The following STK10 variants were observed in gnomAD, a reference collection of about 807,000 sequenced individuals.
The protein encoded by STK10 is serine/threonine kinase 10, also known as serine/threonine-protein kinase 10.
A neutral mutation model predicts 113.8 loss-of-function variants in STK10; 78 were observed. That is an observed-to-expected ratio of 0.69 (90% CI 0.57 to 0.83). The LOEUF is 0.83. STK10 is among the 40% of genes least tolerant of loss of function. The pLI is 0.00. For synonymous variants in STK10, 465 were observed against 494.7 expected (o/e 0.94, Z 0.80); for missense variants, 1,109 against 1,280.1 (o/e 0.87, Z 2.04).
intron 12 of STK10, among the ~76,000 whole-genome samples, chr5:172,078,746 C>T (rs534118400): frequency 1.9e-4 from 28 of 150,424 alleles, no homozygotes; most frequent in African/African-American, 6.6e-4. Context: ...TGAATGTGAG[C>T]GGAACCCCAG....
Position 172,059,702 on chromosome 5 carries a change from C to T in STK10, c.2212+1437G>A, listed in dbSNP as rs149224112. 4.1e-3 allele frequency among the ~76,000 whole-genome samples: 617 copies of T among 152,190 alleles called. 7 individuals are homozygous for T. Among genetic ancestry groups the T allele is most frequent in the African/African-American group, 0.014 (588 of 41,548 alleles). ...CCTTCTTGCCCAAGAGTTCCTTTGC[C>T]CTCTTCCCCTGCTGGATGGTGGCCC... On this transcript the variant is annotated intron_variant, in intron 14 of 18. Transcript: ENST00000176763.
intron 12 of STK10, among the ~76,000 whole-genome samples, chr5:172,075,404 C>T (rs1283024940): frequency 1.3e-5 from 2 of 151,940 alleles, no homozygotes; most frequent in Non-Finnish European, 2.9e-5. Context: ...GTGCCAGGCG[C>T]GGTGGCTCAT....
chr5:172,083,194 G>A (rs1306424415), intron 10 of STK10, 110 bp from the exon 11 acceptor site: 1 of 1,437,734 alleles, frequency 7.0e-7, no homozygotes, highest in African/African-American at 1.4e-5. Context: ...AATCACACAA[G>A]TCTGGGGCAC....
intron 12 of STK10, among the ~76,000 whole-genome samples, chr5:172,071,255 C>A (rs1167880714): frequency 5.6e-4 from 50 of 90,028 alleles, no homozygotes; most frequent in Admixed American, 1.6e-3. Context: ...ATAGGTATTT[C>A]ATTGGAAGGC....
At chr5:172,108,413 G>A (rs1276782979) in intron 4 of STK10, 1 of 152,088 alleles carries the variant, frequency 6.6e-6, no homozygotes, top group Non-Finnish European at 1.5e-5. Flanking sequence ...GCTGGGAGTT[G>A]GAGATCAACC....
intron 12 of STK10, among the ~76,000 whole-genome samples, chr5:172,070,226 C>T (rs985403945): frequency 3.3e-5 from 5 of 150,810 alleles, no homozygotes; most frequent in Middle Eastern, 3.4e-3. Flanking sequence ...CCAGCCTGGG[C>T]GACAAGAGCA....
intron 1 of STK10, among the ~76,000 whole-genome samples, chr5:172,167,825 C>A (rs970972367): frequency 6.6e-6 from 1 of 152,206 alleles, no homozygotes; most frequent in African/African-American, 2.4e-5. Flanking sequence ...AGAAAGTTCA[C>A]CCCCAGCCCT....
intron 3 of STK10, among the ~76,000 whole-genome samples, chr5:172,124,196 T>TG (rs1408244696): frequency 1.3e-5 from 2 of 152,176 alleles, no homozygotes; most frequent in African/African-American, 4.8e-5. Flanking sequence ...CCCAAAGGGC[T>TG]GGGATTACAG....
intron 15 of STK10, chr5:172,056,935 AAAAGAAAG>A (rs147927134): frequency 1.9e-5 from 2 of 102,652 alleles, no homozygotes; most frequent in African/African-American, 8.4e-5. Flanking sequence ...GGAAGGAAAG[AAAAGAAAG>A]AAAGAAAGAA....
intron 15 of STK10, 109 bp downstream of exon 15, chr5:172,057,240 C>T: frequency 1.3e-6 from 2 of 1,485,354 alleles, no homozygotes; most frequent in Non-Finnish European, 1.8e-6. Flanking sequence ...CTTGGGGGCA[C>T]TTGTCATCCA....
intron 12 of STK10, among the ~76,000 whole-genome samples, chr5:172,073,953 A>G (rs1359152647): frequency 6.7e-6 from 1 of 150,010 alleles, no homozygotes; most frequent in African/African-American, 2.5e-5. Context: ...TGACAGAGCA[A>G]GACTCTGTCT....
chr5:172,088,994 G>A (rs1768629814), intron 10 of STK10, among the ~76,000 whole-genome samples: 6 of 152,116 alleles, frequency 3.9e-5, no homozygotes, highest in Admixed American at 3.9e-4. Flanking sequence ...CCAAAATGTA[G>A]GTCAAATCTG....
At chr5:172,179,156 G>C (rs1770809002) in intron 1 of STK10, among the ~76,000 whole-genome samples, 1 of 152,100 alleles carries the variant, frequency 6.6e-6, no homozygotes, top group Non-Finnish European at 1.5e-5. Flanking sequence ...GTCATTTCCT[G>C]AGCCCTTCCT....
At chr5:172,083,928 A>G (rs1317564640) in intron 10 of STK10, among the ~76,000 whole-genome samples, 2 of 139,784 alleles carry the variant, frequency 1.4e-5, no homozygotes, top group African/African-American at 3.3e-5. Flanking sequence ...AAAAAAAGAA[A>G]AAAAAAAAAA....
intron 4 of STK10, among the ~76,000 whole-genome samples, chr5:172,108,580 C>T (rs969155463): frequency 1.4e-4 from 20 of 144,968 alleles, no homozygotes; most frequent in African/African-American, 4.4e-4. Context: ...CGCACCACTG[C>T]GCTCCAGCCC....
At chr5:172,130,596 T>G (rs759541964) in intron 2 of STK10, among the ~76,000 whole-genome samples, 38 of 151,624 alleles carry the variant, frequency 2.5e-4, no homozygotes, top group Non-Finnish European at 4.6e-4. Flanking sequence ...GGTCAGACAC[T>G]TCCCGCTTCT....
intron 2 of STK10, among the ~76,000 whole-genome samples, chr5:172,132,673 AT>A (rs1307255917): frequency 2.0e-5 from 3 of 152,146 alleles, no homozygotes; most frequent in Non-Finnish European, 4.4e-5. Flanking sequence ...AAGAACTGAG[AT>A]TTGTGGTCAG....
intron 4 of STK10, among the ~76,000 whole-genome samples, chr5:172,111,573 G>A (rs1295057395): frequency 6.6e-6 from 1 of 152,232 alleles, no homozygotes; most frequent in Non-Finnish European, 1.5e-5. Flanking sequence ...ATAAGGGAGT[G>A]TCCCTTGATA....
At chr5:172,156,561 A>G (rs953910186) in intron 2 of STK10, 63 bp downstream of exon 2, 7 of 1,547,280 alleles carry the variant, frequency 4.5e-6, no homozygotes, top group Middle Eastern at 3.6e-4. Context: ...CTTCAGGACC[A>G]GGCTAGCTCC....
Sources: allele counts gnomAD v4.1 joint callset (sites outside exome capture counted in the v4.1 genomes callset), GRCh38; gene constraint gnomAD v4.1.1; transcripts MANE v1.5; gene names NCBI Gene and HGNC (gene_info 2026-07-23, HGNC 2026-07-21).